SLC17A1: variants seen among roughly 807,000 people sequenced by gnomAD.
SLC17A1 encodes the protein solute carrier family 17 member 1, also known as sodium-dependent phosphate transport protein 1.
Under a neutral mutation model 53.5 loss-of-function variants are expected in SLC17A1, and 51 were observed. That is an observed-to-expected ratio of 0.95 (90% CI 0.76 to 1.20). The LOEUF is 1.20. SLC17A1 is among the 50% of genes most tolerant of loss of function. The pLI, the probability that SLC17A1 is intolerant of heterozygous loss-of-function variation, is 0.00. For synonymous variants in SLC17A1, 179 were observed against 198.8 expected (o/e 0.90, Z 0.84); for missense variants, 538 against 568.2 (o/e 0.95, Z 0.54).
chr6:25,819,158 A>T lies in SLC17A1; in HGVS notation c.530-4T>A. ...ATAAAGGGTCCCAGCAAAAACCCTA[A>T]TCAGTAGGTACAAAGAACACCCCTA... On this transcript the variant is annotated splice_polypyrimidine_tract_variant and splice_region_variant and intron_variant, in intron 5 of 12. Transcript: ENST00000244527. 6.3e-7 allele frequency: 1 copy of T among 1,596,564 alleles called. No individual in the cohort carries two copies.
chr6:25,727,311 A>G, the SLC17A1 span: 6 of 1,560,840 alleles, frequency 3.8e-6, no homozygotes, highest in Non-Finnish European at 5.2e-6. Flanking sequence ...AGTAAACGTC[A>G]TTTCTAACCC....
chr6:25,768,335 G>C, the SLC17A1 span: 1 of 982,392 alleles, frequency 1.0e-6, no homozygotes, highest in Non-Finnish European at 1.2e-6. Context: ...TTTCTCTACA[G>C]GGATAGTGGA....
rs1360521788 is a variant in SLC17A1 at position 25,800,844 on chromosome 6, T to C, written c.1269+46A>G. The C allele has an allele frequency of 2.5e-6, 3 of 1,201,566 alleles. No homozygotes were observed. The African/African-American group carries it at 4.5e-5, about 18-fold the overall frequency. The allele number at this position is 1,201,566 out of a possible 1,614,324, so 74.4% of individuals were successfully genotyped here. On this transcript the variant is annotated intron_variant, in intron 11 of 12. Coordinates refer to ENST00000244527, the MANE Select transcript of SLC17A1 (RefSeq NM_005074.5). ...TTTTCATATGTGTAATCTTTCTCTATACAATTAATATTGGAAAAATAACTA... is the reference window on the plus strand; with the variant it reads ...TTTTCATATGTGTAATCTTTCTCTACACAATTAATATTGGAAAAATAACTA...
At chr6:25,763,475 C>T in the SLC17A1 span, among the ~76,000 whole-genome samples, 4 of 152,246 alleles carry the variant, frequency 2.6e-5, no homozygotes, top group East Asian at 7.7e-4. Flanking sequence ...TATTCTCATC[C>T]CCTTCTCTGG....
chr6:25,777,862 G>T, the SLC17A1 span: 4 of 1,351,300 alleles, frequency 3.0e-6, no homozygotes, highest in African/African-American at 1.4e-5. Context: ...TCCCTCTCCC[G>T]GGTATTGAGA....
At chr6:25,727,291 A>G in the SLC17A1 span, 2 of 1,587,634 alleles carry the variant, frequency 1.3e-6, no homozygotes, top group Non-Finnish European at 1.7e-6. Context: ...AGCTCCAAGT[A>G]AGCCTGCTAA....
At chr6:25,804,075 A>G (rs1432996315) in intron 10 of SLC17A1, among the ~76,000 whole-genome samples, 1 of 152,182 alleles carries the variant, frequency 6.6e-6, no homozygotes, top group Non-Finnish European at 1.5e-5. Context: ...TTAATGATTA[A>G]TATCATTAAT....
At chr6:25,729,341 T>C in the SLC17A1 span, among the ~76,000 whole-genome samples, 1 of 152,214 alleles carries the variant, frequency 6.6e-6, no homozygotes, top group Non-Finnish European at 1.5e-5. Flanking sequence ...TCCACTACCC[T>C]GCAGTCTTGC....
the SLC17A1 span, chr6:25,726,567 C>T: frequency 1.3e-6 from 2 of 1,574,738 alleles, no homozygotes; most frequent in Non-Finnish European, 1.7e-6. Context: ...AACCACATTT[C>T]TAGGGCTGCT....
chr6:25,787,733 C>T (rs1405278018), intron 12 of SLC17A1, among the ~76,000 whole-genome samples: 1 of 152,176 alleles, frequency 6.6e-6, no homozygotes, highest in African/African-American at 2.4e-5. Flanking sequence ...ACTACTGTGT[C>T]AGTTGGTCTA....
At chr6:25,770,197 C>T in the SLC17A1 span, 3 of 1,614,006 alleles carry the variant, frequency 1.9e-6, no homozygotes, top group Non-Finnish European at 2.5e-6. Context: ...GTGGTTGGTG[C>T]TGGCTTGTTT....
rs979877193 is a variant in SLC17A1, at chr6:25,784,121, C to T, written c.*3-903G>A. Reference sequence around the variant, plus strand: ...AGTTTTATTAGTTATTAAAACATGGCGTCCATACAAATAGACATTTTCTGG... The same window carrying T: ...AGTTTTATTAGTTATTAAAACATGGTGTCCATACAAATAGACATTTTCTGG... On this transcript the variant is annotated intron_variant, in intron 12 of 12. Coordinates refer to ENST00000244527, the MANE Select transcript of SLC17A1 (RefSeq NM_005074.5). Among the ~76,000 whole-genome samples, 4 of 152,090 alleles carry T rather than the reference C, an allele frequency of 2.6e-5. No homozygotes were observed. In the South Asian group the frequency reaches 6.2e-4, roughly 24 times the overall value.
the SLC17A1 span, among the ~76,000 whole-genome samples, chr6:25,737,845 T>G: frequency 2.0e-5 from 3 of 152,236 alleles, no homozygotes; most frequent in Non-Finnish European, 4.4e-5. Context: ...TGTTTTATTC[T>G]TAACATGTTT....
chr6:25,784,700 G>C (rs1763342049), intron 12 of SLC17A1, among the ~76,000 whole-genome samples: 2 of 152,106 alleles, frequency 1.3e-5, no homozygotes, highest in African/African-American at 4.8e-5. Flanking sequence ...TACAGATATT[G>C]TTCAGGATGT....
At chr6:25,729,675 T>C in the SLC17A1 span, among the ~76,000 whole-genome samples, 3 of 152,232 alleles carry the variant, frequency 2.0e-5, no homozygotes, top group Non-Finnish European at 2.9e-5. Flanking sequence ...TTACTGTAAA[T>C]GAGGTATTTC....
chr6:25,819,425 A>C lies in SLC17A1; in HGVS notation c.529+86T>G, dbSNP rs1430052651. On this transcript the variant is annotated intron_variant, in intron 5 of 12. Transcript: ENST00000244527. ...ATTTCCAAAGCCCTTGACCATTCAA[A>C]ACACACATTTCTTATGGCTCTAGGG... 8 of 1,139,800 alleles carry C rather than the reference A, an allele frequency of 7.0e-6. No individual in the cohort carries two copies. The African/African-American group carries it at 1.2e-4, about 18-fold the overall frequency. The allele number at this position is 1,139,800 out of a possible 1,614,324, so 70.6% of individuals were successfully genotyped here.
chr6:25,768,860 A>G, the SLC17A1 span: 7 of 879,518 alleles, frequency 8.0e-6, no homozygotes, highest in South Asian at 4.9e-5. Context: ...ACACCTACAG[A>G]GGAATGTCTG....
chr6:25,749,829 G>T, the SLC17A1 span, among the ~76,000 whole-genome samples: 18 of 152,122 alleles, frequency 1.2e-4, no homozygotes, highest in Non-Finnish European at 2.2e-4. Context: ...CATGTTTCCA[G>T]CCATAAGTTT....
chr6:25,798,322 C>T (rs1238254995), intron 12 of SLC17A1, among the ~76,000 whole-genome samples: 2 of 152,142 alleles, frequency 1.3e-5, no homozygotes, highest in Non-Finnish European at 2.9e-5. Flanking sequence ...GACTCTTTGT[C>T]TCCATCATTC....
Sources: allele counts gnomAD v4.1 joint callset (sites outside exome capture counted in the v4.1 genomes callset), GRCh38; gene constraint gnomAD v4.1.1; transcripts MANE v1.5; gene names NCBI Gene and HGNC (gene_info 2026-07-23, HGNC 2026-07-21).